The following ATF2 variants were observed in gnomAD, a reference collection of about 807,000 sequenced individuals.
ATF2 encodes activating transcription factor 2, also known as cyclic AMP-dependent transcription factor ATF-2.
ATF2 carries 24 observed loss-of-function variants against 60.6 expected under a neutral mutation model. The ratio of observed to expected loss-of-function variants is 0.40; its 90% confidence interval spans 0.29 to 0.56. The LOEUF (loss-of-function observed/expected upper bound fraction) is 0.56, where lower values mean the gene tolerates loss of function less well. Among genes scored for constraint, ATF2 ranks in the 20% least tolerant of loss-of-function variants. The probability of loss-of-function intolerance (pLI) is 0.54; values close to 1 mark genes in which losing one functional copy is unlikely to be tolerated. For missense variants in ATF2, 433 were observed against 607.7 expected (o/e 0.71, Z 3.02); for synonymous variants, 206 against 215.4 (o/e 0.96, Z 0.38).
intron 3 of ATF2, among the ~76,000 whole-genome samples, chr2:175,134,766 T>A (rs1698015214): frequency 6.6e-6 from 1 of 151,874 alleles, no homozygotes; most frequent in East Asian, 1.9e-4. Context: ...GGAGGATGGC[T>A]TGAGCCCAGG....
chr2:175,095,447 A>G (rs1164886347), intron 11 of ATF2, among the ~76,000 whole-genome samples: 1 of 152,160 alleles, frequency 6.6e-6, no homozygotes, highest in East Asian at 1.9e-4. Context: ...AATAAGAGAG[A>G]ACAGTTTATT....
At chr2:175,077,478 A>G (rs1323024432) in intron 13 of ATF2, among the ~76,000 whole-genome samples, 2 of 152,162 alleles carry the variant, frequency 1.3e-5, no homozygotes, top group African/African-American at 4.8e-5. Flanking sequence ...TGACTTTTTA[A>G]TGATCACCAT....
chr2:175,110,228 A>G (rs1696077099), intron 10 of ATF2, among the ~76,000 whole-genome samples: 1 of 152,038 alleles, frequency 6.6e-6, no homozygotes, highest in Non-Finnish European at 1.5e-5. Flanking sequence ...CCAGCTACTC[A>G]GGAGGCTGAG....
At chr2:175,151,870 A>T (rs1452041597) in intron 1 of ATF2, among the ~76,000 whole-genome samples, 1 of 152,196 alleles carries the variant, frequency 6.6e-6, no homozygotes, top group African/African-American at 2.4e-5. Flanking sequence ...TAACTGTTCA[A>T]GTAAGTTCTA....
intron 12 of ATF2, 128 bp from the exon 13 acceptor site, chr2:175,080,893 G>A (rs2105538544): frequency 1.6e-6 from 1 of 622,616 alleles, no homozygotes. Context: ...AAAATATGCT[G>A]ATTAAATATG....
chr2:175,074,665 C>G lies in ATF2; in HGVS notation c.1462G>C (p.Ala488Pro). 1.2e-6 allele frequency: 2 copies of G among 1,613,372 alleles called. No individual in the cohort carries two copies. Among genetic ancestry groups the G allele is most frequent in the African/African-American group, 1.3e-5 (1 of 74,994 alleles). ...TQMADQSTEP[A>P]LSQIVMAPSS... ...GGAGCCATAACGATCTGTGAAAGAG[C>G]AGGCTCTGTACTCTGGTCCGCCATC... The change falls in exon 14 of 14, where the codon GCT (alanine) becomes CCT (proline). Residue 488 changes from alanine (A) to proline (P), a missense_variant. Coordinates refer to ENST00000264110, the MANE Select transcript of ATF2 (RefSeq NM_001880.4).
At chr2:175,120,218 G>C (rs181647293) in intron 5 of ATF2, among the ~76,000 whole-genome samples, 1 of 151,452 alleles carries the variant, frequency 6.6e-6, no homozygotes, top group Non-Finnish European at 1.5e-5. Flanking sequence ...ATGCCTAGGA[G>C]AGTGAACTTT....
intron 3 of ATF2, among the ~76,000 whole-genome samples, chr2:175,134,083 T>C (rs1697948659): frequency 6.6e-6 from 1 of 152,184 alleles, no homozygotes; most frequent in East Asian, 1.9e-4. Flanking sequence ...TTTGCATCCA[T>C]GGATTCAATC....
At chr2:175,124,699 A>G (rs1308812171) in intron 4 of ATF2, among the ~76,000 whole-genome samples, 1 of 150,672 alleles carries the variant, frequency 6.6e-6, no homozygotes, top group Non-Finnish European at 1.5e-5. Context: ...CCACACATAC[A>G]TCTCCATTGT....
At chr2:175,076,680 C>T (rs147870564) in intron 13 of ATF2, among the ~76,000 whole-genome samples, 38 of 151,294 alleles carry the variant, frequency 2.5e-4, no homozygotes, top group African/African-American at 9.2e-4. Flanking sequence ...AAACAAAATA[C>T]TGGCAATGAC....
At chr2:175,077,163 T>C (rs1693386937) in intron 13 of ATF2, among the ~76,000 whole-genome samples, 1 of 152,162 alleles carries the variant, frequency 6.6e-6, no homozygotes, top group African/African-American at 2.4e-5. Flanking sequence ...TTCCATGATG[T>C]ATATGTGCCA....
At chr2:175,078,231 A>T (rs940275140) in intron 13 of ATF2, among the ~76,000 whole-genome samples, 2 of 152,126 alleles carry the variant, frequency 1.3e-5, no homozygotes, top group South Asian at 2.1e-4. Flanking sequence ...TTGGCCTCCC[A>T]AAGTGTTGGG....
intron 1 of ATF2, among the ~76,000 whole-genome samples, chr2:175,163,411 C>T (rs985006838): frequency 6.6e-6 from 1 of 151,974 alleles, no homozygotes; most frequent in Non-Finnish European, 1.5e-5. Flanking sequence ...AATTATTTCT[C>T]CCTGTCTTTC....
chr2:175,078,352 C>G (rs905574858), intron 13 of ATF2, among the ~76,000 whole-genome samples: 4 of 152,098 alleles, frequency 2.6e-5, no homozygotes, highest in Non-Finnish European at 5.9e-5. Flanking sequence ...ATTATAGAGA[C>G]AATTATAATA....
chr2:175,113,383 C>T (rs1282701530), intron 9 of ATF2, among the ~76,000 whole-genome samples: 1 of 151,554 alleles, frequency 6.6e-6, no homozygotes, highest in Non-Finnish European at 1.5e-5. Flanking sequence ...CCGCCCAATA[C>T]GCTGGGATTA....
rs202032925 is a variant in ATF2, at chr2:175,158,583, T to TG, written c.-142-7426dup. Among the ~76,000 whole-genome samples the TG allele has an allele frequency of 5.4e-3, 822 of 152,148 alleles. 4 individuals are homozygous for TG. The highest frequency in any genetic ancestry group is 0.019 in the African/African-American group (777 of 41,510). On this transcript the variant is annotated intron_variant, in intron 1 of 13. Coordinates refer to ENST00000264110, the MANE Select transcript of ATF2 (RefSeq NM_001880.4). ...GATCCTACGGCAAGAAGCAAACGTC[T>TG]GGGGGGAACACTGGAAACTGAGGTC...
intron 3 of ATF2, among the ~76,000 whole-genome samples, chr2:175,130,905 T>C (rs1697680920): frequency 6.6e-6 from 1 of 152,214 alleles, no homozygotes; most frequent in African/African-American, 2.4e-5. Flanking sequence ...CTGAGGATCA[T>C]AAGTTAATCT....
At chr2:175,128,920 C>CA (rs35784008) in intron 4 of ATF2, among the ~76,000 whole-genome samples, 113,313 of 152,016 alleles carry the variant, frequency 0.75, 43,056 homozygotes, top group East Asian at 0.87. Flanking sequence ...CCAACAAACA[C>CA]ATGAAAAAAG....
intron 2 of ATF2, among the ~76,000 whole-genome samples, chr2:175,150,650 A>ATGAAAC (rs149299596): frequency 6.6e-6 from 1 of 152,022 alleles, no homozygotes; most frequent in Non-Finnish European, 1.5e-5. Flanking sequence ...ATTAGCTTGT[A>ATGAAAC]CGGCCCTAGA....
Sources: gnomAD v4.1 joint callset for allele counts (sites outside exome capture counted in the v4.1 genomes callset) on GRCh38, gnomAD v4.1.1 for gene constraint, MANE v1.5 for transcripts, NCBI Gene and HGNC (gene_info 2026-07-23, HGNC 2026-07-21) for gene names.